VWF: variants seen among roughly 807,000 people sequenced by gnomAD.
VWF encodes the protein von Willebrand factor.
A neutral mutation model predicts 308.6 loss-of-function variants in VWF; 176 were observed. The ratio of observed to expected loss-of-function variants is 0.57; its 90% confidence interval spans 0.50 to 0.65. The LOEUF is 0.65. VWF is among the 30% of genes least tolerant of loss of function. The pLI is 0.00. For missense variants in VWF, 3,146 were observed against 3,648.2 expected (o/e 0.86, Z 3.55); for synonymous variants, 1,385 against 1,443.4 (o/e 0.96, Z 0.92).
intron 5 of VWF, among the ~76,000 whole-genome samples, chr12:6,103,443 C>CACGTGTGTGT (rs1565391052): frequency 8.6e-6 from 1 of 115,762 alleles, no homozygotes; most frequent in Non-Finnish European, 1.7e-5. Flanking sequence ...TGTGTATATA[C>CACGTGTGTGT]ATACACATAT....
At chr12:6,097,610 C>T (rs1030499847) in intron 5 of VWF, among the ~76,000 whole-genome samples, 2 of 152,098 alleles carry the variant, frequency 1.3e-5, no homozygotes, top group Non-Finnish European at 2.9e-5. Context: ...ACAGATGCTT[C>T]CCGAGAGCTT....
Position 6,016,251 on chromosome 12 carries a change from T to G in VWF, c.5312-19A>C, listed in dbSNP as rs200237834. 2,068 of 1,614,182 alleles carry G rather than the reference T, an allele frequency of 1.3e-3. 4 individuals carry two copies. Among genetic ancestry groups the G allele is most frequent in the Non-Finnish European group, 1.6e-3 (1,832 of 1,180,032 alleles). On this transcript the variant is annotated intron_variant, in intron 30 of 51. Transcript: ENST00000261405. ...GCATCCCCTGAGGATGGAGAACAGA[T>G]CACGCCAAGTCAGTACTGACTGCGG...
At chr12:5,955,718 G>A (rs1460995011) in intron 47 of VWF, among the ~76,000 whole-genome samples, 1 of 152,094 alleles carries the variant, frequency 6.6e-6, no homozygotes, top group East Asian at 1.9e-4. Flanking sequence ...GAGTCTAGAG[G>A]AAATGACAGA....
Position 5,996,152 on chromosome 12 carries a change from G to C in VWF, c.5913C>G (p.Ser1971Arg), listed in dbSNP as rs747318535. Residue 1971 changes from serine to arginine, a missense_variant, in exon 35 of 52, where the codon AGC (serine) becomes AGG (arginine). Ser to Arg is a moderately radical substitution (Grantham distance 110, BLOSUM62 -1). This residue lies in a region of VWF where 989 missense variants were observed against 1,117.4 expected (regional missense o/e 0.89). Coordinates refer to ENST00000261405, the MANE Select transcript of VWF (RefSeq NM_000552.5). ...TGTTTTGAAATAGGACATAAGAACA[G>C]CTGCCAGTCAGCTTGAAATTCTGCC... Reference protein sequence around the residue: ...FDGQNFKLTGSCSYVLFQNKE... With the variant: ...FDGQNFKLTGRCSYVLFQNKE... The C allele has an allele frequency of 3.7e-6, 6 of 1,614,064 alleles. No homozygotes were observed. Among genetic ancestry groups the C allele is most frequent in the Non-Finnish European group, 5.1e-6 (6 of 1,180,030 alleles).
chr12:6,029,294 A>G, intron 22 of VWF, 48 bp downstream of exon 22: 1 of 1,612,620 alleles, frequency 6.2e-7, no homozygotes, highest in Non-Finnish European at 8.5e-7. Flanking sequence ...AGCAGAAAAC[A>G]CTCCAAAGGC....
Position 6,082,524 on chromosome 12 carries a change from A to G in VWF, c.658-6973T>C, listed in dbSNP as rs530175120. ...TCCTTACATATTTTAAGTTAGGCCT[A>G]AAGGTTTCTCCCTACATAATGAACT... On this transcript the variant is annotated intron_variant, in intron 6 of 51. Transcript: ENST00000261405. Among the ~76,000 whole-genome samples the G allele has an allele frequency of 2.0e-5, 3 of 152,356 alleles. No homozygotes were observed. The East Asian group carries it at 5.8e-4, about 29-fold the overall frequency.
At chr12:6,122,325 C>T (rs1473838883) in intron 2 of VWF, among the ~76,000 whole-genome samples, 1 of 152,102 alleles carries the variant, frequency 6.6e-6, no homozygotes, top group African/African-American at 2.4e-5. Context: ...ATGTCTTGGG[C>T]ATGTTAAATT....
At chr12:6,070,150 T>C (rs1944764535) in intron 10 of VWF, among the ~76,000 whole-genome samples, 1 of 152,222 alleles carries the variant, frequency 6.6e-6, no homozygotes, top group South Asian at 2.1e-4. Flanking sequence ...GGACATGGTG[T>C]AATTACGTTC....
intron 3 of VWF, among the ~76,000 whole-genome samples, chr12:6,116,441 A>T (rs1328683640): frequency 6.6e-6 from 1 of 152,146 alleles, no homozygotes; most frequent in Non-Finnish European, 1.5e-5. Flanking sequence ...TAAACACTCT[A>T]CCTTCTATGC....
Position 6,016,111 on chromosome 12 carries a change from T to A in VWF, c.5433A>T (p.Ala1811=), listed in dbSNP as rs1429731229. 2 of 1,614,206 alleles carry A rather than the reference T, an allele frequency of 1.2e-6. No individual in the cohort carries two copies. The highest frequency in any genetic ancestry group is 8.5e-7 in the Non-Finnish European group (1 of 1,180,030). ...TDVSVDSVDA[A]ADAARSNRVT... is the part of the protein sequence containing the mutation. Reference sequence around the variant, plus strand: ...TACTGTTGGACCTGGCGGCATCAGCTGCTGCATCCACTGAATCCACAGAGA... The same window carrying A: ...TACTGTTGGACCTGGCGGCATCAGCAGCTGCATCCACTGAATCCACAGAGA... The change falls in exon 31 of 52, where the codon GCA becomes GCT. Residue 1811 remains alanine (A), a synonymous_variant. Coordinates refer to ENST00000261405, the MANE Select transcript of VWF (RefSeq NM_000552.5).
intron 50 of VWF, among the ~76,000 whole-genome samples, chr12:5,950,560 T>A (rs561747913): frequency 1.3e-5 from 2 of 152,226 alleles, no homozygotes; most frequent in Non-Finnish European, 2.9e-5. Flanking sequence ...CTTAGATGGC[T>A]CGAAATCTAA....
chr12:6,119,032 C>T (rs981115592), intron 3 of VWF, among the ~76,000 whole-genome samples: 3 of 152,252 alleles, frequency 2.0e-5, no homozygotes, highest in Non-Finnish European at 2.9e-5. Context: ...AAGGCCATTC[C>T]GCCTCCTACC....
chr12:5,969,773 T>G (rs2136356720), intron 44 of VWF, among the ~76,000 whole-genome samples: 2 of 152,118 alleles, frequency 1.3e-5, no homozygotes, highest in East Asian at 1.9e-4. Flanking sequence ...CCACTTCCCA[T>G]GGTAAGGGGA....
At chr12:5,965,229 G>C (rs1043662888) in intron 47 of VWF, among the ~76,000 whole-genome samples, 6 of 152,134 alleles carry the variant, frequency 3.9e-5, no homozygotes, top group Non-Finnish European at 8.8e-5. Flanking sequence ...CACTTGTTTA[G>C]GTCTGAGCAG....
rs570483884 is a variant in VWF, at chr12:6,083,544, A to G, written c.658-7993T>C. On this transcript the variant is annotated intron_variant, in intron 6 of 51. Transcript: ENST00000261405. ...TGCACCACGGCACTCCAGCCTGGGC[A>G]AGAGAGCGAGACTCCGTCGCAAAAA... 4.6e-5 allele frequency among the ~76,000 whole-genome samples: 7 copies of G among 152,328 alleles called. No homozygotes were observed. In the East Asian group the frequency reaches 1.4e-3, roughly 29 times the overall value.
At chr12:5,991,721 C>T (rs1379420499) in intron 38 of VWF, 98 bp downstream of exon 38, 8 of 1,341,504 alleles carry the variant, frequency 6.0e-6, no homozygotes, top group Non-Finnish European at 8.5e-6. Flanking sequence ...GTCAACCCTG[C>T]TGCCACAGTT....
intron 47 of VWF, among the ~76,000 whole-genome samples, chr12:5,955,756 T>C (rs1454987660): frequency 6.6e-6 from 1 of 152,166 alleles, no homozygotes; most frequent in East Asian, 1.9e-4. Flanking sequence ...CAGGGAATTT[T>C]AGGAACAATC....
At chr12:5,980,204 T>TAGGG (rs1943588727) in intron 42 of VWF, among the ~76,000 whole-genome samples, 5 of 16,402 alleles carry the variant, frequency 3.0e-4, no homozygotes, top group Non-Finnish European at 3.5e-4. Context: ...GGAAGTGACG[T>TAGGG]AGGTAGGTAG....
intron 34 of VWF, 37 bp from the exon 35 acceptor site, chr12:5,996,259 T>C: frequency 6.3e-7 from 1 of 1,574,870 alleles, no homozygotes; most frequent in Non-Finnish European, 8.6e-7. Flanking sequence ...TGCGACGTTA[T>C]CCAAACCCCC....
Sources: allele counts gnomAD v4.1 joint callset (sites outside exome capture counted in the v4.1 genomes callset), GRCh38; gene constraint gnomAD v4.1.1; regional missense constraint gnomAD v4.1.1; transcripts MANE v1.5; gene names NCBI Gene and HGNC (gene_info 2026-07-23, HGNC 2026-07-21).